Variants in THSD7A observed in about 807,000 individuals in gnomAD.
THSD7A encodes the protein thrombospondin type 1 domain containing 7A.
THSD7A carries 96 observed loss-of-function variants against 231.3 expected under a neutral mutation model. The ratio of observed to expected loss-of-function variants is 0.41; its 90% confidence interval spans 0.35 to 0.49. THSD7A has a LOEUF of 0.49. Among genes scored for constraint, THSD7A ranks in the 20% least tolerant of loss-of-function variants. The pLI, the probability that THSD7A is intolerant of heterozygous loss-of-function variation, is 0.05. For missense variants in THSD7A, 2,290 were observed against 2,070.2 expected (o/e 1.11, Z -2.06); for synonymous variants, 940 against 743.3 (o/e 1.26, Z -4.30).
At chr7:11,506,434 CTG>C (rs1787547619) in intron 6 of THSD7A, among the ~76,000 whole-genome samples, 1 of 152,188 alleles carries the variant, frequency 6.6e-6, no homozygotes, top group Admixed American at 6.5e-5. Context: ...GGTTCCATGA[CTG>C]ATGTGGTCAC....
In THSD7A at chr7:11,632,043, C is replaced by G. The variant is rs1291564127; in HGVS notation, c.1022+4087G>C. 6.6e-6 allele frequency among the ~76,000 whole-genome samples: 1 copy of G among 152,122 alleles called. No individual in the cohort carries two copies. Among genetic ancestry groups the G allele is most frequent in the Admixed American group, 6.5e-5 (1 of 15,276 alleles). On this transcript the variant is annotated intron_variant, in intron 2 of 27. Coordinates refer to ENST00000423059, the MANE Select transcript of THSD7A (RefSeq NM_015204.3). This position sits in a 1 kb window ranked among gnomAD's most constrained non-coding sequence, Gnocchi z 4.1. The stretch of plus-strand genomic sequence containing the variant: ...TAAAATTTCTGTAAATGATGAGTGG[C>G]TGTGCCTAATCTGTTTGTATAAATA...
intron 9 of THSD7A, among the ~76,000 whole-genome samples, chr7:11,465,981 A>G (rs1785689799): frequency 6.6e-6 from 1 of 152,166 alleles, no homozygotes; most frequent in South Asian, 2.1e-4. Flanking sequence ...ACTCCACTTA[A>G]TACTGATCTT....
intron 6 of THSD7A, among the ~76,000 whole-genome samples, chr7:11,522,054 C>G (rs1448708313): frequency 6.6e-6 from 1 of 152,030 alleles, no homozygotes; most frequent in Non-Finnish European, 1.5e-5. Context: ...TCCAGGCAAG[C>G]TGTGACCAAA....
chr7:11,831,922 C>T lies in THSD7A; in HGVS notation c.25G>A (p.Ala9Thr). Residue 9 changes from alanine to threonine, a missense_variant, in exon 1 of 28, where the codon GCG becomes ACG. Ala to Thr is a moderately conservative substitution (Grantham distance 58). Coordinates refer to ENST00000423059, the MANE Select transcript of THSD7A (RefSeq NM_015204.3). This position sits in a 1 kb window ranked among gnomAD's most constrained non-coding sequence, Gnocchi z 5.0. Reference sequence around the variant, plus strand: ...CCCGCAGCGCCCCGGCTCCCGGACGCCCAGCGCCTGGCTTGCAGCCCCATG... The same window carrying T: ...CCCGCAGCGCCCCGGCTCCCGGACGTCCAGCGCCTGGCTTGCAGCCCCATG... MGLQARRW[A>T]SGSRGAAGPR... 8.1e-7 allele frequency: 1 copy of T among 1,236,144 alleles called. No individual in the cohort carries two copies. The highest frequency in any genetic ancestry group is 1.0e-6 in the Non-Finnish European group (1 of 993,116). The allele number at this position is 1,236,144 out of a possible 1,614,324, so 76.6% of individuals were successfully genotyped here.
chr7:11,515,324 G>T (rs1181522499), intron 6 of THSD7A, among the ~76,000 whole-genome samples: 1 of 152,106 alleles, frequency 6.6e-6, no homozygotes, highest in African/African-American at 2.4e-5. Context: ...TGGAACAACT[G>T]TAAGAGATGA....
intron 4 of THSD7A, among the ~76,000 whole-genome samples, chr7:11,550,089 C>A (rs746062351): frequency 1.3e-5 from 2 of 152,002 alleles, no homozygotes; most frequent in Non-Finnish European, 2.9e-5. Context: ...TAGAAAACCC[C>A]GTAATCTCTG....
At chr7:11,822,039 T>C (rs960427519) in intron 1 of THSD7A, among the ~76,000 whole-genome samples, 10 of 152,160 alleles carry the variant, frequency 6.6e-5, no homozygotes, top group African/African-American at 2.4e-5. Flanking sequence ...CCCTCACCCT[T>C]TCCCAATATG....
intron 23 of THSD7A, among the ~76,000 whole-genome samples, chr7:11,399,865 C>T (rs1033036114): frequency 1.3e-5 from 2 of 152,042 alleles, no homozygotes; most frequent in Non-Finnish European, 2.9e-5. Context: ...TGCACACATA[C>T]GTTTATTGCG....
intron 9 of THSD7A, 99 bp from the exon 10 acceptor site, chr7:11,462,242 G>T: frequency 7.5e-7 from 1 of 1,341,506 alleles, no homozygotes; most frequent in Non-Finnish European, 1.0e-6. Context: ...CCAGCTACAT[G>T]TGCTTTGACA....
rs759739451 is a variant in THSD7A at position 11,638,977 on chromosome 7, T to G, written c.191-2016A>C. Reference sequence around the variant, plus strand: ...ACCCAGTAATATGTATAAAATTTTCTAATTAATTCCACACATCCTTGGCAT... The same window carrying G: ...ACCCAGTAATATGTATAAAATTTTCGAATTAATTCCACACATCCTTGGCAT... On this transcript the variant is annotated intron_variant, in intron 1 of 27. Coordinates refer to ENST00000423059, the MANE Select transcript of THSD7A (RefSeq NM_015204.3). 1.2e-4 allele frequency among the ~76,000 whole-genome samples: 18 copies of G among 152,324 alleles called. No individual in the cohort carries two copies. In the South Asian group the frequency reaches 1.2e-3, roughly 11 times the overall value.
chr7:11,761,514 G>A (rs931887397), intron 1 of THSD7A, among the ~76,000 whole-genome samples: 4 of 151,886 alleles, frequency 2.6e-5, no homozygotes, highest in Non-Finnish European at 4.4e-5. Context: ...TACATACAAT[G>A]TATATATATG....
intron 4 of THSD7A, among the ~76,000 whole-genome samples, chr7:11,550,301 T>A (rs1223242219): frequency 1.3e-5 from 2 of 151,872 alleles, no homozygotes; most frequent in African/African-American, 2.4e-5. Context: ...ATCTCTAGAA[T>A]GAGAGTTACA....
chr7:11,387,754 G>C (rs914070337), intron 23 of THSD7A, among the ~76,000 whole-genome samples: 2 of 152,116 alleles, frequency 1.3e-5, no homozygotes, highest in East Asian at 1.9e-4. Flanking sequence ...TGTTGAATAG[G>C]AGTCGTAAGA....
At chr7:11,625,116 T>C (rs1231172073) in intron 2 of THSD7A, among the ~76,000 whole-genome samples, 5 of 152,244 alleles carry the variant, frequency 3.3e-5, no homozygotes, top group African/African-American at 9.6e-5. Context: ...TGTTTCAGTA[T>C]CTGTCTCCAT....
chr7:11,694,430 G>A (rs577834401), intron 1 of THSD7A, among the ~76,000 whole-genome samples: 129 of 151,568 alleles, frequency 8.5e-4, no homozygotes, highest in African/African-American at 3.1e-3. Flanking sequence ...TAAAATCCAA[G>A]TGCTATTCTA....
intron 1 of THSD7A, among the ~76,000 whole-genome samples, chr7:11,667,346 C>T (rs921199887): frequency 4.6e-5 from 7 of 152,078 alleles, no homozygotes; most frequent in African/African-American, 1.4e-4. Context: ...TACCACTTCT[C>T]GTCTGTTCAC....
intron 1 of THSD7A, among the ~76,000 whole-genome samples, chr7:11,730,896 CAT>C (rs113062854): frequency 1.3e-5 from 2 of 151,734 alleles, no homozygotes; most frequent in African/African-American, 4.8e-5. Context: ...CCTTTTTATT[CAT>C]ATCTCTTTCT....
At chr7:11,468,244 G>A (rs1295797889) in intron 9 of THSD7A, among the ~76,000 whole-genome samples, 2 of 151,992 alleles carry the variant, frequency 1.3e-5, no homozygotes, top group Non-Finnish European at 2.9e-5. Flanking sequence ...AAATTTGTAA[G>A]TGTATTAATT....
chr7:11,540,185 T>C (rs911122070), intron 6 of THSD7A, among the ~76,000 whole-genome samples: 2 of 152,134 alleles, frequency 1.3e-5, no homozygotes, highest in Admixed American at 6.6e-5. Context: ...AAGCAGAATA[T>C]ATAAAATTCA....
Sources: gnomAD v4.1 joint callset for allele counts (sites outside exome capture counted in the v4.1 genomes callset) on GRCh38, gnomAD v4.1.1 for gene constraint, Gnocchi (gnomAD v3.1) non-coding constraint, MANE v1.5 for transcripts, NCBI Gene and HGNC (gene_info 2026-07-23, HGNC 2026-07-21) for gene names.